The following FLRT2 variants were observed in gnomAD, a reference collection of about 807,000 sequenced individuals.
FLRT2 encodes the protein leucine-rich repeat transmembrane protein FLRT2.
Under a neutral mutation model 40.0 loss-of-function variants are expected in FLRT2, and 15 were observed. The ratio of observed to expected loss-of-function variants is 0.38; its 90% CI spans 0.25 to 0.58. The LOEUF (loss-of-function observed/expected upper bound fraction) is 0.58. Ranked by LOEUF, FLRT2 falls within the 20% of genes least tolerant of loss-of-function variation. FLRT2 has a pLI of 0.71. For missense variants in FLRT2, 726 were observed against 840.0 expected, an observed-to-expected ratio of 0.86 and a Z score of 1.68; for synonymous variants, 380 against 336.8, an observed-to-expected ratio of 1.13 and a Z score of -1.41.
intron 1 of FLRT2, among the ~76,000 whole-genome samples, chr14:85,559,594 A>C (rs1480783854): frequency 1.3e-5 from 2 of 152,158 alleles, no homozygotes; most frequent in Non-Finnish European, 2.9e-5. Context: ...ATCTATATAT[A>C]ATATATCTAC....
chr14:85,584,766 T>C (rs1362793834), intron 1 of FLRT2, among the ~76,000 whole-genome samples: 1 of 152,176 alleles, frequency 6.6e-6, no homozygotes, highest in Non-Finnish European at 1.5e-5. Flanking sequence ...TGTGCATGTG[T>C]GCAGCTGCAC....
In FLRT2 at chr14:85,589,281, C is replaced by T. The variant is rs557862931; in HGVS notation, c.-376-31858C>T. On this transcript the variant is annotated intron_variant, in intron 1 of 1. Coordinates refer to ENST00000330753, the MANE Select transcript of FLRT2 (RefSeq NM_013231.6). ...GCATACTTGCCAGCATTTTTTATTGCCTCTCTTCTGCATATAAGGTATTTT... is the reference window on the plus strand; with the variant it reads ...GCATACTTGCCAGCATTTTTTATTGTCTCTCTTCTGCATATAAGGTATTTT... 3.9e-5 allele frequency among the ~76,000 whole-genome samples: 6 copies of T among 152,188 alleles called. No individual in the cohort carries two copies. The South Asian group carries it at 8.3e-4, about 21-fold the overall frequency.
In FLRT2 at chr14:85,592,053, G is replaced by T. The variant is rs113696201; in HGVS notation, c.-376-29086G>T. Among the ~76,000 whole-genome samples, 1,046 of 152,252 alleles carry T rather than the reference G, an allele frequency of 6.9e-3. 15 individuals carry two copies. Among genetic ancestry groups the T allele is most frequent in the African/African-American group, 0.023 (954 of 41,542 alleles). On this transcript the variant is annotated intron_variant, in intron 1 of 1. Coordinates refer to ENST00000330753, the MANE Select transcript of FLRT2 (RefSeq NM_013231.6). ...AGTAAATTACAAATTGACTTTAAAA[G>T]TGTCACATTAAATACTTTTTTCCAT...
At chr14:85,574,631 A>G (rs886849226) in intron 1 of FLRT2, among the ~76,000 whole-genome samples, 6 of 149,654 alleles carry the variant, frequency 4.0e-5, no homozygotes, top group African/African-American at 1.5e-4. Context: ...ATTCACTTTT[A>G]TTTCTTAAAT....
Position 85,612,419 on chromosome 14 carries a change from C to G in FLRT2, c.-376-8720C>G, listed in dbSNP as rs910779314. 2.6e-5 allele frequency among the ~76,000 whole-genome samples: 4 copies of G among 152,210 alleles called. No homozygotes were observed. In the East Asian group the frequency reaches 7.7e-4, roughly 29 times the overall value. On this transcript the variant is annotated intron_variant, in intron 1 of 1. Transcript: ENST00000330753. ...CCTGTTGTGTATTTTCAATATTCTC[C>G]TTCAAATTATTCCTTAAGAGTATTG...
Position 85,651,095 on chromosome 14 carries a change from G to A in FLRT2, c.*27598G>A, listed in dbSNP as rs1345254498. The A allele has an allele frequency of 6.6e-6, 1 of 151,952 alleles. No individual in the cohort carries two copies. The highest frequency in any genetic ancestry group is 1.9e-4 in the East Asian group (1 of 5,192). 9.4% of individuals were successfully genotyped at this position (151,952 alleles called of 1,614,324 possible). ...CTCAATCTTTTATATGTAATTTTAAGTTAATATTCAGCTTTAAACTTTTCT... is the reference window on the plus strand; with the variant it reads ...CTCAATCTTTTATATGTAATTTTAAATTAATATTCAGCTTTAAACTTTTCT... On this transcript the variant is annotated 3_prime_UTR_variant, in exon 2 of 2. Transcript: ENST00000330753.
At chr14:85,567,444 C>T (rs1890675385) in intron 1 of FLRT2, among the ~76,000 whole-genome samples, 1 of 152,090 alleles carries the variant, frequency 6.6e-6, no homozygotes, top group Non-Finnish European at 1.5e-5. Context: ...ATTCTGGAGC[C>T]AGACTGCATT....
intron 1 of FLRT2, among the ~76,000 whole-genome samples, chr14:85,567,585 A>G (rs1337217184): frequency 1.3e-5 from 2 of 149,596 alleles, no homozygotes; most frequent in South Asian, 2.1e-4. Flanking sequence ...TGAAAGAGTT[A>G]GTATTGTGAA....
rs182530766 is a variant in FLRT2, at chr14:85,553,168, A to T, written c.-377+22634A>T. Among the ~76,000 whole-genome samples the T allele has an allele frequency of 9.2e-5, 14 of 152,292 alleles. No homozygotes were observed. The East Asian group carries it at 2.1e-3, about 23-fold the overall frequency. On this transcript the variant is annotated intron_variant, in intron 1 of 1. Transcript: ENST00000330753. ...CATTAGTTATTGTTATGAAATGCGT[A>T]CCCAGCTCTTCTTTGTAGCCTTCAG...
In FLRT2 at chr14:85,653,521, A is replaced by G. The variant is rs1214614184; in HGVS notation, c.*30024A>G. Reference sequence around the variant, plus strand: ...AAGGAAAACTGACAAAGCTAAAAATACCTCTGCTAGGGGATCTATTAGTAT... The same window carrying G: ...AAGGAAAACTGACAAAGCTAAAAATGCCTCTGCTAGGGGATCTATTAGTAT... On this transcript the variant is annotated 3_prime_UTR_variant, in exon 2 of 2. Transcript: ENST00000330753. 2.6e-5 allele frequency: 4 copies of G among 152,156 alleles called. No individual in the cohort carries two copies. The highest frequency in any genetic ancestry group is 6.5e-5 in the Admixed American group (1 of 15,274). 9.4% of individuals were successfully genotyped at this position (152,156 alleles called of 1,614,324 possible).
chr14:85,559,310 C>T (rs1186802473), intron 1 of FLRT2: 1 of 152,156 alleles, frequency 6.6e-6, no homozygotes, highest in African/African-American at 2.4e-5. Flanking sequence ...CTTTCTCCTT[C>T]GGGCCCCTGG....
chr14:85,569,772 G>A (rs912825877), intron 1 of FLRT2, among the ~76,000 whole-genome samples: 7 of 152,150 alleles, frequency 4.6e-5, no homozygotes, highest in African/African-American at 1.7e-4. Context: ...CTGAAATCAC[G>A]TTATTAAAGC....
rs1555373585 is a variant in FLRT2 at position 85,643,378 on chromosome 14, T to TTCCTTCCTTCCTTC, written c.*19881_*19882insTCCTTCCTTCCTTC. On this transcript the variant is annotated 3_prime_UTR_variant, in exon 2 of 2. Transcript: ENST00000330753. The stretch of plus-strand genomic sequence containing the variant: ...TTCTTCCTTCCTTCCTTCCTTCCTT[T>TTCCTTCCTTCCTTC]CTTTCCTTTCTCCTTTTTCTTTTTT... 1 of 99,826 alleles carries TTCCTTCCTTCCTTC rather than the reference T, an allele frequency of 1.0e-5. No individual in the cohort carries two copies. Among genetic ancestry groups the TTCCTTCCTTCCTTC allele is most frequent in the Admixed American group, 1.0e-4 (1 of 9,850 alleles). 6.2% of individuals were successfully genotyped at this position (99,826 alleles called of 1,614,324 possible).
intron 1 of FLRT2, among the ~76,000 whole-genome samples, chr14:85,582,644 G>T (rs1386125746): frequency 1.3e-5 from 2 of 152,066 alleles, no homozygotes; most frequent in Admixed American, 6.6e-5. Context: ...TGCCTGGTAC[G>T]TAGTTAGGCA....
chr14:85,592,808 G>GAAAAAAAAAGA (rs35794980), intron 1 of FLRT2, among the ~76,000 whole-genome samples: 2 of 129,290 alleles, frequency 1.5e-5, no homozygotes, highest in Non-Finnish European at 3.3e-5. Context: ...AAAAAAAAAA[G>GAAAAAAAAAGA]AAAAAAAAGA....
rs1010595473 is a variant in FLRT2 at position 85,625,811 on chromosome 14, G to T, written c.*2314G>T. ...CAAATGATGGTACTTTGACTTTTGAGGGTTTTTATTTCTGTTATTCACAAA... is the reference window on the plus strand; with the variant it reads ...CAAATGATGGTACTTTGACTTTTGATGGTTTTTATTTCTGTTATTCACAAA... On this transcript the variant is annotated 3_prime_UTR_variant, in exon 2 of 2. Transcript: ENST00000330753. The T allele has an allele frequency of 6.0e-6, 1 of 166,946 alleles. No homozygotes were observed. The highest frequency in any genetic ancestry group is 1.5e-5 in the Non-Finnish European group (1 of 68,106). 10.3% of individuals were successfully genotyped at this position (166,946 alleles called of 1,614,324 possible).
chr14:85,548,697 G>C (rs1889426050), intron 1 of FLRT2, among the ~76,000 whole-genome samples: 1 of 152,142 alleles, frequency 6.6e-6, no homozygotes, highest in Admixed American at 6.5e-5. Flanking sequence ...TTTTAAAAAG[G>C]AGCTGTGTAA....
Position 85,649,346 on chromosome 14 carries a change from C to G in FLRT2, c.*25849C>G, listed in dbSNP as rs1337243684. 1 of 152,030 alleles carries G rather than the reference C, an allele frequency of 6.6e-6. No homozygotes were observed. The highest frequency in any genetic ancestry group is 1.5e-5 in the Non-Finnish European group (1 of 67,986). The allele number at this position is 152,030 out of a possible 1,614,324, so 9.4% of individuals were successfully genotyped here. Reference sequence around the variant, plus strand: ...AAAATATGTTGCAGATGCTGTAACTCTTATTTGCATCCATTGGTCTTTTGG... The same window carrying G: ...AAAATATGTTGCAGATGCTGTAACTGTTATTTGCATCCATTGGTCTTTTGG... On this transcript the variant is annotated 3_prime_UTR_variant, in exon 2 of 2. Coordinates refer to ENST00000330753, the MANE Select transcript of FLRT2 (RefSeq NM_013231.6).
At chr14:85,547,362 G>A (rs184657289) in intron 1 of FLRT2, among the ~76,000 whole-genome samples, 12 of 141,834 alleles carry the variant, frequency 8.5e-5, no homozygotes, top group East Asian at 8.3e-4. Flanking sequence ...TCGCTCTTTC[G>A]CCCAGGCTGG....
Sources: gnomAD v4.1 joint callset for allele counts (sites outside exome capture counted in the v4.1 genomes callset) on GRCh38, gnomAD v4.1.1 for gene constraint, MANE v1.5 for transcripts, NCBI Gene and HGNC (gene_info 2026-07-23, HGNC 2026-07-21) for gene names.